The following WDR70 variants were observed in gnomAD, a reference collection of about 807,000 sequenced individuals.
WDR70 encodes WD repeat-containing protein 70.
In WDR70, 53 loss-of-function variants were observed where a neutral mutation model predicts 88.6. The ratio of observed to expected loss-of-function variants is 0.60; its 90% CI spans 0.48 to 0.75. The LOEUF (loss-of-function observed/expected upper bound fraction) is 0.75, where lower values mean the gene tolerates loss of function less well. Ranked by LOEUF, WDR70 falls within the 30% of genes least tolerant of loss-of-function variation. WDR70 has a pLI of 0.00. For synonymous variants in WDR70, 280 were observed against 270.0 expected (o/e 1.04, Z -0.36); for missense variants, 610 against 823.2 (o/e 0.74, Z 3.17).
intron 7 of WDR70, among the ~76,000 whole-genome samples, chr5:37,475,569 T>C (rs1385307879): frequency 1.3e-5 from 2 of 152,206 alleles, no homozygotes; most frequent in Non-Finnish European, 2.9e-5. Context: ...CCACTCTGCC[T>C]GATATTCGTA....
At chr5:37,637,047 A>G (rs779727815) in intron 10 of WDR70, among the ~76,000 whole-genome samples, 13 of 152,192 alleles carry the variant, frequency 8.5e-5, no homozygotes, top group Non-Finnish European at 1.5e-4. Flanking sequence ...TTGTTTTAAA[A>G]TGAAGAATTT....
intron 5 of WDR70, among the ~76,000 whole-genome samples, chr5:37,402,892 A>ATCCT (rs201512739): frequency 1.8e-4 from 25 of 137,380 alleles, no homozygotes; most frequent in East Asian, 4.3e-4. Flanking sequence ...TGTAAAATCC[A>ATCCT]TCCTTCCTTC....
Position 37,491,335 on chromosome 5 carries a change from G to T in WDR70, c.840+11348G>T, listed in dbSNP as rs183388491. ...CATTAAGCTTTTCTTTGTAGAGGAG[G>T]TGAGTGTCTGGTGCTTCTAGTTAGC... On this transcript the variant is annotated intron_variant, in intron 8 of 17. Coordinates refer to ENST00000265107, the MANE Select transcript of WDR70 (RefSeq NM_018034.4). Among the ~76,000 whole-genome samples, 348 of 152,288 alleles carry T rather than the reference G, an allele frequency of 2.3e-3. 1 individual carries two copies. The highest frequency in any genetic ancestry group is 3.2e-3 in the Non-Finnish European group (217 of 68,032).
chr5:37,728,348 C>CA (rs1271317565), intron 17 of WDR70, among the ~76,000 whole-genome samples: 152 of 49,928 alleles, frequency 3.0e-3, no homozygotes, highest in Middle Eastern at 0.014. Context: ...ACCTTGCCTC[C>CA]AAAAAAAAAA....
At chr5:37,521,999 T>C (rs921515206) in intron 9 of WDR70, among the ~76,000 whole-genome samples, 5 of 152,190 alleles carry the variant, frequency 3.3e-5, no homozygotes, top group African/African-American at 1.2e-4. Flanking sequence ...AGATTGTAAG[T>C]GTTGCATTTT....
intron 5 of WDR70, among the ~76,000 whole-genome samples, chr5:37,429,457 A>G (rs867625267): frequency 6.6e-6 from 1 of 151,750 alleles, no homozygotes; most frequent in Middle Eastern, 3.4e-3. Context: ...ATACTTTCTC[A>G]TTGTTTTATA....
intron 5 of WDR70, among the ~76,000 whole-genome samples, chr5:37,425,327 G>A (rs1348917356): frequency 6.6e-6 from 1 of 152,204 alleles, no homozygotes; most frequent in Non-Finnish European, 1.5e-5. Context: ...TGTAGAGCAC[G>A]ATAACATGGA....
At chr5:37,514,531 T>C (rs554953404) in intron 8 of WDR70, among the ~76,000 whole-genome samples, 11 of 151,460 alleles carry the variant, frequency 7.3e-5, no homozygotes, top group Non-Finnish European at 1.5e-4. Flanking sequence ...TTCTTCCTGA[T>C]GTTCTCCTTC....
intron 4 of WDR70, among the ~76,000 whole-genome samples, chr5:37,393,961 C>T (rs1183290332): frequency 6.6e-5 from 10 of 152,046 alleles, no homozygotes; most frequent in African/African-American, 1.9e-4. Context: ...GGATTACAGG[C>T]GTGAACCACT....
chr5:37,725,127 T>A, intron 16 of WDR70, 77 bp downstream of exon 16: 1 of 1,247,584 alleles, frequency 8.0e-7, no homozygotes, highest in Non-Finnish European at 1.2e-6. Context: ...ATTGGGAAGG[T>A]CTTTTGGGCC....
In WDR70 at chr5:37,676,814, C is replaced by A. The variant is rs534646592; in HGVS notation, c.1093-20841C>A. On this transcript the variant is annotated intron_variant, in intron 10 of 17. Transcript: ENST00000265107. ...GAATAGTTTCAGAAGGAATGGTACC[C>A]GTTCCTCCTTCTACCTCTGGTAGAA... Among the ~76,000 whole-genome samples the A allele has an allele frequency of 1.3e-3, 194 of 152,156 alleles. 1 individual carries two copies. Among genetic ancestry groups the A allele is most frequent in the Non-Finnish European group, 1.9e-3 (131 of 67,986 alleles).
At chr5:37,430,790 A>T (rs1187651244) in intron 5 of WDR70, among the ~76,000 whole-genome samples, 3 of 151,848 alleles carry the variant, frequency 2.0e-5, no homozygotes, top group African/African-American at 7.3e-5. Context: ...CAAACTCCTG[A>T]CCTCAAGTGA....
Position 37,723,340 on chromosome 5 carries a change from G to A in WDR70, c.1597+406G>A, listed in dbSNP as rs146404733. ...TAACTTTTAATCAGGGAAGTGTGGC[G>A]ACCAGAGGAAGGGTCTCTTCCAGCT... On this transcript the variant is annotated intron_variant, in intron 15 of 17. Coordinates refer to ENST00000265107, the MANE Select transcript of WDR70 (RefSeq NM_018034.4). The A allele has an allele frequency of 4.1e-3, 761 of 187,772 alleles. 5 individuals are homozygous for A. Among genetic ancestry groups the A allele is most frequent in the South Asian group, 6.8e-3 (54 of 7,920 alleles). 11.6% of individuals were successfully genotyped at this position (187,772 alleles called of 1,614,324 possible). A position where few individuals can be genotyped will look rare whatever the true frequency, so the allele number is the denominator to read the frequency against.
At chr5:37,660,708 G>T (rs1414315803) in intron 10 of WDR70, among the ~76,000 whole-genome samples, 2 of 151,916 alleles carry the variant, frequency 1.3e-5, no homozygotes, top group Admixed American at 1.3e-4. Flanking sequence ...AGATGTCTGT[G>T]GTTGACTCTT....
intron 9 of WDR70, among the ~76,000 whole-genome samples, chr5:37,576,235 C>G (rs531970581): frequency 6.6e-6 from 1 of 150,950 alleles, no homozygotes; most frequent in East Asian, 2.0e-4. Flanking sequence ...ACCTCACTGA[C>G]CTTATCTCAT....
At chr5:37,518,931 A>G (rs1327542469) in intron 9 of WDR70, among the ~76,000 whole-genome samples, 2 of 152,114 alleles carry the variant, frequency 1.3e-5, no homozygotes, top group African/African-American at 2.4e-5. Context: ...TTAACAAAGC[A>G]TATCTTGCAC....
At chr5:37,381,716 G>A in intron 3 of WDR70, 31 bp downstream of exon 3, 4 of 1,593,498 alleles carry the variant, frequency 2.5e-6, no homozygotes, top group Non-Finnish European at 3.4e-6. Flanking sequence ...TTCTTTTATT[G>A]GTTTAAGTAC....
intron 10 of WDR70, among the ~76,000 whole-genome samples, chr5:37,657,303 G>A (rs753549798): frequency 2.0e-5 from 3 of 152,042 alleles, no homozygotes; most frequent in Admixed American, 6.5e-5. Flanking sequence ...GCTCCTGCTC[G>A]CCCTCGTGGG....
chr5:37,476,818 G>A (rs76150954), intron 7 of WDR70, among the ~76,000 whole-genome samples: 12 of 152,194 alleles, frequency 7.9e-5, no homozygotes, highest in African/African-American at 1.4e-4. Context: ...AAACTGTGGC[G>A]TGAGCCACTG....
Sources: gnomAD v4.1 joint callset for allele counts (sites outside exome capture counted in the v4.1 genomes callset) on GRCh38, gnomAD v4.1.1 for gene constraint, MANE v1.5 for transcripts, NCBI Gene and HGNC (gene_info 2026-07-23, HGNC 2026-07-21) for gene names.